TTC17: variants seen among roughly 807,000 people sequenced by gnomAD.
TTC17 encodes the protein tetratricopeptide repeat domain 17.
Under a neutral mutation model 143.8 loss-of-function variants are expected in TTC17, and 58 were observed. The ratio of observed to expected loss-of-function variants is 0.40; its 90% CI spans 0.33 to 0.50. The LOEUF (loss-of-function observed/expected upper bound fraction) is 0.50, where lower values mean the gene tolerates loss of function less well. Among genes scored for constraint, TTC17 ranks in the 20% least tolerant of loss-of-function variants. The pLI is 0.49. For synonymous variants in TTC17, 501 were observed against 497.8 expected (o/e 1.01, Z -0.09); for missense variants, 1,273 against 1,392.5 (o/e 0.91, Z 1.37).
intron 1 of TTC17, chr11:43,359,337 C>G: frequency 1.9e-6 from 1 of 530,088 alleles, no homozygotes; most frequent in Non-Finnish European, 3.1e-6. Context: ...TCTCACCCTT[C>G]CACCTCGCGG....
At chr11:43,461,560 C>G (rs1401903776) in intron 21 of TTC17, among the ~76,000 whole-genome samples, 2 of 152,036 alleles carry the variant, frequency 1.3e-5, no homozygotes, top group Non-Finnish European at 2.9e-5. Context: ...CAATTTGGCA[C>G]CAGTAGGCCT....
intron 21 of TTC17, among the ~76,000 whole-genome samples, chr11:43,477,269 A>T (rs1157182895): frequency 6.6e-6 from 1 of 152,218 alleles, no homozygotes; most frequent in Non-Finnish European, 1.5e-5. Context: ...AGACTTTCCC[A>T]CATTTTCCTG....
At chr11:43,407,636 T>G in intron 15 of TTC17, 59 bp downstream of exon 15, 2 of 1,459,808 alleles carry the variant, frequency 1.4e-6, no homozygotes, top group Non-Finnish European at 1.9e-6. Context: ...CAAATTTAGA[T>G]TACAATTTGT....
chr11:43,360,023 A>G (rs1022278240), intron 1 of TTC17, among the ~76,000 whole-genome samples: 3 of 152,222 alleles, frequency 2.0e-5, no homozygotes, highest in African/African-American at 4.8e-5. Flanking sequence ...AGTGTCTAGC[A>G]AACATTTAGA....
intron 15 of TTC17, among the ~76,000 whole-genome samples, chr11:43,410,281 ATT>A (rs1185392372): frequency 6.6e-6 from 1 of 152,090 alleles, no homozygotes; most frequent in African/African-American, 2.4e-5. Flanking sequence ...TGTTAAAAAT[ATT>A]TTCTCTCTTT....
intron 4 of TTC17, 62 bp downstream of exon 4, chr11:43,391,638 T>A: frequency 7.9e-7 from 1 of 1,263,778 alleles, no homozygotes; most frequent in Non-Finnish European, 1.1e-6. Flanking sequence ...AGTTGGTCTC[T>A]CACTTATAAA....
intron 23 of TTC17, among the ~76,000 whole-genome samples, chr11:43,492,548 G>C (rs1364929927): frequency 6.6e-6 from 1 of 152,124 alleles, no homozygotes; most frequent in Non-Finnish European, 1.5e-5. Flanking sequence ...GACACCCTTT[G>C]CATATTTTTC....
chr11:43,474,512 A>G (rs575953673), intron 21 of TTC17, among the ~76,000 whole-genome samples: 4 of 152,334 alleles, frequency 2.6e-5, no homozygotes, highest in South Asian at 2.1e-4. Flanking sequence ...ATTTTGCACA[A>G]TTACACAAAA....
chr11:43,374,208 A>G (rs1393232955), intron 1 of TTC17, among the ~76,000 whole-genome samples: 3 of 152,238 alleles, frequency 2.0e-5, no homozygotes, highest in Non-Finnish European at 4.4e-5. Context: ...TGCTGGGATG[A>G]CTGGCTAGCC....
At chr11:43,369,662 G>A (rs1856487143) in intron 1 of TTC17, among the ~76,000 whole-genome samples, 1 of 151,250 alleles carries the variant, frequency 6.6e-6, no homozygotes, top group South Asian at 2.1e-4. Flanking sequence ...TGTCACCCAG[G>A]CTGGAGTACA....
chr11:43,368,310 T>C (rs964395973), intron 1 of TTC17, among the ~76,000 whole-genome samples: 15 of 152,280 alleles, frequency 9.9e-5, no homozygotes, highest in African/African-American at 3.6e-4. Flanking sequence ...AACTTCAGAC[T>C]CATATATCCA....
chr11:43,426,116 C>T (rs1947021419), intron 16 of TTC17, among the ~76,000 whole-genome samples: 2 of 152,236 alleles, frequency 1.3e-5, no homozygotes, highest in South Asian at 4.1e-4. Context: ...ATTCCTGCTG[C>T]ACCTCTGTAA....
chr11:43,422,946 T>C (rs943455808), intron 16 of TTC17, among the ~76,000 whole-genome samples: 1 of 152,304 alleles, frequency 6.6e-6, no homozygotes, highest in African/African-American at 2.4e-5. Context: ...TCAGTAGGAA[T>C]GATCCAGCAA....
intron 9 of TTC17, 63 bp downstream of exon 9, chr11:43,400,111 A>G: frequency 1.3e-6 from 2 of 1,530,860 alleles, no homozygotes; most frequent in Non-Finnish European, 8.8e-7. Context: ...ATGCTTTACT[A>G]TCATAACTTT....
At chr11:43,369,305 T>C (rs932519807) in intron 1 of TTC17, among the ~76,000 whole-genome samples, 1 of 152,204 alleles carries the variant, frequency 6.6e-6, no homozygotes. Context: ...ATGAATATTC[T>C]CATAAAATTG....
At chr11:43,372,639 T>A (rs1483611747) in intron 1 of TTC17, among the ~76,000 whole-genome samples, 1 of 152,078 alleles carries the variant, frequency 6.6e-6, no homozygotes, top group South Asian at 2.1e-4. Context: ...TATAAGCATG[T>A]GCCACTACGC....
chr11:43,375,377 A>G (rs905990626), intron 1 of TTC17, among the ~76,000 whole-genome samples: 2 of 152,196 alleles, frequency 1.3e-5, no homozygotes, highest in Non-Finnish European at 2.9e-5. Context: ...TACTCACTAA[A>G]CAGAACCATT....
chr11:43,432,779 G>A (rs902514522), intron 16 of TTC17, among the ~76,000 whole-genome samples: 2 of 150,644 alleles, frequency 1.3e-5, no homozygotes, highest in Non-Finnish European at 3.0e-5. Flanking sequence ...TTTCCACAAA[G>A]GCAACTTTTT....
chr11:43,373,397 C>T (rs1013685059), intron 1 of TTC17, among the ~76,000 whole-genome samples: 2 of 150,694 alleles, frequency 1.3e-5, no homozygotes, highest in African/African-American at 2.4e-5. Flanking sequence ...AATCTCTGCT[C>T]ACTGCAAGCT....
Sources: gnomAD v4.1 joint callset for allele counts (sites outside exome capture counted in the v4.1 genomes callset) on GRCh38, gnomAD v4.1.1 for gene constraint, MANE v1.5 for transcripts, NCBI Gene and HGNC (gene_info 2026-07-23, HGNC 2026-07-21) for gene names.